Variants in NCOA2 observed in about 807,000 individuals in gnomAD.
NCOA2 encodes nuclear receptor coactivator 2.
Under a neutral mutation model 145.1 loss-of-function variants are expected in NCOA2, and 21 were observed. The ratio of observed to expected loss-of-function variants is 0.14; its 90% CI spans 0.10 to 0.21. The LOEUF is 0.21. Among genes scored for constraint, NCOA2 ranks in the 10% least tolerant of loss-of-function variants. NCOA2 has a pLI of 1.00. For missense variants in NCOA2, 1,472 were observed against 1,837.6 expected, an observed-to-expected ratio of 0.80 and a Z score of 3.64; for synonymous variants, 619 against 637.5, an observed-to-expected ratio of 0.97 and a Z score of 0.44.
chr8:70,417,450 G>A, the NCOA2 span, among the ~76,000 whole-genome samples: 1 of 151,998 alleles, frequency 6.6e-6, no homozygotes, highest in East Asian at 1.9e-4. Flanking sequence ...TCGGGAAGCT[G>A]AGGCAGGAGA....
In NCOA2 at chr8:70,156,671, G is replaced by A; in HGVS notation, c.1694C>T (p.Ser565Phe). 1 of 1,613,954 alleles carries A rather than the reference G, an allele frequency of 6.2e-7. No individual in the cohort carries two copies. Among genetic ancestry groups the A allele is most frequent in the Non-Finnish European group, 8.5e-7 (1 of 1,179,878 alleles). Residue 565 changes from serine (S) to phenylalanine (F), a missense_variant, in exon 11 of 23, where the codon TCC (serine) becomes TTC (phenylalanine). This residue lies in a region of NCOA2 where 953 missense variants were observed against 1,062.1 expected (regional missense o/e 0.90). Transcript: ENST00000452400. ...TGGGGGAGGATTCATATTAACTGGGGAGTTTTGCAAATTGCCCATTTTTAG... is the reference window on the plus strand; with the variant it reads ...TGGGGGAGGATTCATATTAACTGGGAAGTTTTGCAAATTGCCCATTTTTAG... ...PDLKMGNLQNSPVNMNPPPLS... is the reference protein window; with the variant it reads ...PDLKMGNLQNFPVNMNPPPLS...
At position 70,205,445 on chromosome 8, in the gene NCOA2, A is replaced by C. The variant is rs544207673; in HGVS notation, c.259+8458T>G. Among the ~76,000 whole-genome samples the C allele has an allele frequency of 1.9e-3, 285 of 152,236 alleles. 1 individual carries two copies. The highest frequency in any genetic ancestry group is 6.6e-3 in the African/African-American group (275 of 41,544). ...CCACAAGAATACAGTAGTAGGCCAA[A>C]CTGGTCAGACCCGAGGTCTTGGTGA... On this transcript the variant is annotated intron_variant, in intron 4 of 22. Transcript: ENST00000452400.
At chr8:70,361,869 T>A (rs1810231142) in intron 1 of NCOA2, among the ~76,000 whole-genome samples, 1 of 152,218 alleles carries the variant, frequency 6.6e-6, no homozygotes, top group African/African-American at 2.4e-5. Context: ...ATCAGAAACC[T>A]AGTACTCCTT....
intron 2 of NCOA2, among the ~76,000 whole-genome samples, chr8:70,290,730 A>G (rs1450645682): frequency 6.6e-6 from 1 of 152,192 alleles, no homozygotes; most frequent in Non-Finnish European, 1.5e-5. Flanking sequence ...ATGGCTATGG[A>G]TAATTTTATA....
intron 2 of NCOA2, among the ~76,000 whole-genome samples, chr8:70,235,680 CA>C (rs1821532985): frequency 6.6e-6 from 1 of 151,938 alleles, no homozygotes. Context: ...CTTGTCTCTA[CA>C]AAAAGATCAA....
Position 70,304,657 on chromosome 8 carries a change from T to G in NCOA2, c.-76-7857A>C, listed in dbSNP as rs539345726. 2.0e-5 allele frequency among the ~76,000 whole-genome samples: 3 copies of G among 151,748 alleles called. No homozygotes were observed. The South Asian group carries it at 6.2e-4, about 32-fold the overall frequency. ...ATTTTTTTGTTTTTTTGTTTTGTTT[T>G]GTTTTTTTGTTTTTTTTTTAGTAGA... On this transcript the variant is annotated intron_variant, in intron 1 of 22. Transcript: ENST00000452400.
chr8:70,236,855 A>T (rs1025256024), intron 2 of NCOA2, among the ~76,000 whole-genome samples: 1 of 152,188 alleles, frequency 6.6e-6, no homozygotes, highest in Non-Finnish European at 1.5e-5. Flanking sequence ...GCATTGGTGG[A>T]CTTGGGTCTC....
intron 1 of NCOA2, among the ~76,000 whole-genome samples, chr8:70,391,230 C>T (rs189229395): frequency 1.3e-5 from 2 of 152,282 alleles, no homozygotes; most frequent in East Asian, 3.9e-4. Flanking sequence ...AGGAAATTTT[C>T]GTCTCCATAA....
At chr8:70,384,947 T>A (rs549256243) in intron 1 of NCOA2, among the ~76,000 whole-genome samples, 1 of 152,326 alleles carries the variant, frequency 6.6e-6, no homozygotes, top group African/African-American at 2.4e-5. Flanking sequence ...AATCATTCTG[T>A]AAACAAACAA....
chr8:70,287,366 A>G (rs1826308994), intron 2 of NCOA2, among the ~76,000 whole-genome samples: 1 of 152,160 alleles, frequency 6.6e-6, no homozygotes, highest in Admixed American at 6.5e-5. Flanking sequence ...CACTGCTGGA[A>G]CAAAAGAATG....
chr8:70,434,726 C>T, the NCOA2 span, among the ~76,000 whole-genome samples: 7 of 152,046 alleles, frequency 4.6e-5, no homozygotes, highest in African/African-American at 1.7e-4. Context: ...TGCCACCATG[C>T]CCAGATAATT....
the NCOA2 span, among the ~76,000 whole-genome samples, chr8:70,409,893 A>AAG: frequency 4.5e-4 from 68 of 151,196 alleles, no homozygotes; most frequent in South Asian, 1.5e-3. Flanking sequence ...GAAAGAATAA[A>AAG]AGAGAGAGAG....
chr8:70,256,629 A>C (rs564520292), intron 2 of NCOA2, among the ~76,000 whole-genome samples: 9 of 152,366 alleles, frequency 5.9e-5, no homozygotes, highest in African/African-American at 1.9e-4. Flanking sequence ...TTTAGTGCTT[A>C]CCATATGCCA....
Position 70,155,953 on chromosome 8 carries a change from A to T in NCOA2, c.2394+18T>A, listed in dbSNP as rs1812238483. The stretch of plus-strand genomic sequence containing the variant: ...GATACAGATTAGTACACCTGCGAGA[A>T]GATGTGATAAAACTTACCTGGTCAC... On this transcript the variant is annotated intron_variant, in intron 11 of 22. Transcript: ENST00000452400. 6.5e-7 allele frequency: 1 copy of T among 1,539,164 alleles called. No homozygotes were observed. The highest frequency in any genetic ancestry group is 2.1e-5 in the Admixed American group (1 of 48,512).
chr8:70,261,537 C>T lies in NCOA2; in HGVS notation c.-20+35207G>A, dbSNP rs139849810. On this transcript the variant is annotated intron_variant, in intron 2 of 22. Transcript: ENST00000452400. ...AGCACACCAGCATGGCACATGTATA[C>T]ATATGTAAGTAACCTGCACATTGCG... Among the ~76,000 whole-genome samples, 600 of 152,084 alleles carry T rather than the reference C, an allele frequency of 3.9e-3. 3 individuals carry two copies. Among genetic ancestry groups the T allele is most frequent in the Non-Finnish European group, 7.2e-3 (491 of 68,004 alleles).
At chr8:70,303,058 CTAG>C (rs1183466265) in intron 1 of NCOA2, among the ~76,000 whole-genome samples, 1 of 152,134 alleles carries the variant, frequency 6.6e-6, no homozygotes, top group African/African-American at 2.4e-5. Context: ...TCTGTAAAGA[CTAG>C]TATTCTTGCC....
intron 4 of NCOA2, among the ~76,000 whole-genome samples, chr8:70,184,628 C>A (rs1325949984): frequency 6.6e-6 from 1 of 152,122 alleles, no homozygotes; most frequent in East Asian, 1.9e-4. Context: ...CTGTCTTATT[C>A]AACTTTGAAT....
chr8:70,430,620 G>A, the NCOA2 span, among the ~76,000 whole-genome samples: 10 of 152,076 alleles, frequency 6.6e-5, no homozygotes, highest in Admixed American at 6.6e-4. Flanking sequence ...TGTCATGATA[G>A]GTTAGTTCGG....
intron 1 of NCOA2, among the ~76,000 whole-genome samples, chr8:70,301,754 G>C (rs1366219269): frequency 1.3e-5 from 2 of 151,236 alleles, no homozygotes; most frequent in Non-Finnish European, 2.9e-5. Flanking sequence ...GAACAAACAG[G>C]CTGTTGGAAA....
Sources: gnomAD v4.1 joint callset for allele counts (sites outside exome capture counted in the v4.1 genomes callset) on GRCh38, gnomAD v4.1.1 for gene constraint, gnomAD v4.1.1 regional missense constraint, MANE v1.5 for transcripts, NCBI Gene and HGNC (gene_info 2026-07-23, HGNC 2026-07-21) for gene names.